Variants in B4GALT4 observed in about 807,000 individuals in gnomAD.
The protein encoded by B4GALT4 is beta-1,4-galactosyltransferase 4.
In B4GALT4, 27 loss-of-function variants were observed where a neutral mutation model predicts 37.3. The ratio of observed to expected loss-of-function variants is 0.72; its 90% CI spans 0.53 to 1.00. The LOEUF is 1.00. Among genes scored for constraint, B4GALT4 ranks in the 50% least tolerant of loss-of-function variants. The probability of loss-of-function intolerance (pLI) is 0.00; values close to 1 mark genes in which losing one functional copy is unlikely to be tolerated. For missense variants in B4GALT4, 372 were observed against 413.1 expected, an observed-to-expected ratio of 0.90 and a Z score of 0.86; for synonymous variants, 148 against 154.1, an observed-to-expected ratio of 0.96 and a Z score of 0.29.
At chr3:119,235,635 A>T (rs1274376703) in intron 2 of B4GALT4, among the ~76,000 whole-genome samples, 1 of 152,202 alleles carries the variant, frequency 6.6e-6, no homozygotes, top group African/African-American at 2.4e-5. Flanking sequence ...GGTATTCATT[A>T]TCCCAATTAC....
chr3:119,226,694 G>T, intron 4 of B4GALT4, 115 bp downstream of exon 4: 1 of 867,294 alleles, frequency 1.2e-6, no homozygotes, highest in Non-Finnish European at 1.8e-6. Flanking sequence ...AAGAGAACTC[G>T]TTTTTGATGA....
chr3:119,233,296 C>G (rs1168363996), intron 2 of B4GALT4: 4 of 152,182 alleles, frequency 2.6e-5, no homozygotes, highest in African/African-American at 9.7e-5. Context: ...ACCCAAGGCA[C>G]GGGGTACATG....
At chr3:119,229,778 G>C in intron 3 of B4GALT4, 69 bp downstream of exon 3, 5 of 1,509,656 alleles carry the variant, frequency 3.3e-6, no homozygotes, top group Non-Finnish European at 4.5e-6. Flanking sequence ...TTTGATACAG[G>C]CAAGTACATA....
intron 2 of B4GALT4, among the ~76,000 whole-genome samples, chr3:119,231,788 AT>A (rs1379374360): frequency 1.1e-5 from 1 of 89,560 alleles, no homozygotes; most frequent in Non-Finnish European, 2.1e-5. Flanking sequence ...TTAATAGTAT[AT>A]TTTATAAAAT....
intron 1 of B4GALT4, among the ~76,000 whole-genome samples, chr3:119,239,346 T>C (rs1475141631): frequency 2.8e-5 from 4 of 143,406 alleles, no homozygotes; most frequent in Admixed American, 2.7e-4. Context: ...AAAAAAATTA[T>C]ATTTTTATCG....
intron 3 of B4GALT4, 70 bp from the exon 4 acceptor site, chr3:119,227,111 A>G: frequency 7.4e-7 from 1 of 1,354,004 alleles, no homozygotes. Flanking sequence ...ACACGAGCTA[A>G]TATGCATAGA....
chr3:119,236,675 A>G lies in B4GALT4; in HGVS notation c.-146+178T>C, dbSNP rs553507498. On this transcript the variant is annotated intron_variant, in intron 2 of 7. Transcript: ENST00000393765. ...GTTGAAATACACAAGGACACATCATAATTCCAGGCTACTGCTAAAAGGAAT... is the reference window on the plus strand; with the variant it reads ...GTTGAAATACACAAGGACACATCATGATTCCAGGCTACTGCTAAAAGGAAT... Among the ~76,000 whole-genome samples the G allele has an allele frequency of 3.9e-5, 6 of 152,332 alleles. No individual in the cohort carries two copies. In the East Asian group the frequency reaches 1.2e-3, roughly 29 times the overall value.
intron 5 of B4GALT4, among the ~76,000 whole-genome samples, chr3:119,219,547 G>C (rs1477719346): frequency 2.6e-5 from 4 of 152,246 alleles, no homozygotes; most frequent in Non-Finnish European, 5.9e-5. Flanking sequence ...TACAGATATG[G>C]CTTTGGAAAT....
At chr3:119,224,502 G>A (rs2078543211) in intron 4 of B4GALT4, among the ~76,000 whole-genome samples, 1 of 152,164 alleles carries the variant, frequency 6.6e-6, no homozygotes, top group African/African-American at 2.4e-5. Context: ...TTTAATGATA[G>A]AGAGTTCCAG....
chr3:119,226,123 GA>G (rs34519805), intron 4 of B4GALT4, among the ~76,000 whole-genome samples: 14,515 of 152,218 alleles, frequency 0.095, 1,377 homozygotes, highest in African/African-American at 0.24. Context: ...TTTAGACACT[GA>G]TGTTTAAACT....
chr3:119,234,347 T>C (rs2078919934), intron 2 of B4GALT4, among the ~76,000 whole-genome samples: 2 of 152,178 alleles, frequency 1.3e-5, no homozygotes, highest in Non-Finnish European at 2.9e-5. Context: ...CTCAAACTCC[T>C]GACCTCAAAT....
chr3:119,235,180 G>A (rs1200703467), intron 2 of B4GALT4: 2 of 152,202 alleles, frequency 1.3e-5, no homozygotes, highest in Non-Finnish European at 2.9e-5. Flanking sequence ...TTTTGTGAAT[G>A]CTTGAGATTT....
At chr3:119,223,978 T>TC in intron 5 of B4GALT4, 80 bp downstream of exon 5, 4 of 1,384,678 alleles carry the variant, frequency 2.9e-6, no homozygotes, top group Non-Finnish European at 3.8e-6. Context: ...CTTATGACAC[T>TC]CTGGATGCTT....
intron 4 of B4GALT4, among the ~76,000 whole-genome samples, chr3:119,225,377 C>T (rs1034870534): frequency 2.6e-5 from 4 of 151,962 alleles, no homozygotes; most frequent in African/African-American, 7.3e-5. Context: ...ACGAAGCAGA[C>T]ATATTTTTCT....
intron 2 of B4GALT4, among the ~76,000 whole-genome samples, chr3:119,233,822 T>C (rs756300779): frequency 1.9e-4 from 29 of 152,220 alleles, no homozygotes; most frequent in Admixed American, 1.6e-3. Flanking sequence ...CTTACCTATC[T>C]TTCTAAGTCT....
intron 4 of B4GALT4, among the ~76,000 whole-genome samples, chr3:119,225,570 T>G (rs9849672): frequency 0.1 from 15,345 of 151,798 alleles, 984 homozygotes; most frequent in East Asian, 0.24. Context: ...CTAATTTTTT[T>G]TTTTTTTTTA....
intron 2 of B4GALT4, 36 bp from the exon 3 acceptor site, chr3:119,230,280 T>G (rs1386341518): frequency 2.5e-6 from 2 of 792,296 alleles, no homozygotes; most frequent in East Asian, 2.7e-5. Context: ...TTGTTTCAAA[T>G]GGAAATTCTA....
intron 5 of B4GALT4, 146 bp downstream of exon 5, chr3:119,223,912 G>T: frequency 1.4e-6 from 1 of 731,170 alleles, no homozygotes; most frequent in Non-Finnish European, 2.0e-6. Context: ...TCTAACTTCT[G>T]TTTTGCACTT....
intron 3 of B4GALT4, among the ~76,000 whole-genome samples, chr3:119,229,529 G>C (rs1286431395): frequency 6.6e-6 from 1 of 152,190 alleles, no homozygotes; most frequent in African/African-American, 2.4e-5. Flanking sequence ...CTAATGTGTA[G>C]AGTTAGAATC....
Sources: allele counts gnomAD v4.1 joint callset (sites outside exome capture counted in the v4.1 genomes callset), GRCh38; gene constraint gnomAD v4.1.1; transcripts MANE v1.5; gene names NCBI Gene and HGNC (gene_info 2026-07-23, HGNC 2026-07-21).